Variants in ATG2B observed in about 807,000 individuals in gnomAD.
The protein encoded by ATG2B is autophagy related 2B.
In ATG2B, 121 loss-of-function variants were observed where a neutral mutation model predicts 241.3. The observed-to-expected ratio is 0.50, with a 90% CI of 0.43 to 0.58. The LOEUF (loss-of-function observed/expected upper bound fraction) is 0.58, where lower values mean the gene tolerates loss of function less well. Among genes scored for constraint, ATG2B ranks in the 20% least tolerant of loss-of-function variants. The probability of loss-of-function intolerance (pLI) is 0.00; values close to 1 mark genes in which losing one functional copy is unlikely to be tolerated. For missense variants in ATG2B, 2,306 were observed against 2,491.6 expected (o/e 0.93, Z 1.59); for synonymous variants, 858 against 876.6 (o/e 0.98, Z 0.37).
At chr14:96,308,284 T>TAGATATATATATA (rs1566720015) in intron 29 of ATG2B, among the ~76,000 whole-genome samples, 1 of 43,016 alleles carries the variant, frequency 2.3e-5, no homozygotes, top group Non-Finnish European at 4.1e-5. Flanking sequence ...ATATATATAT[T>TAGATATATATATA]TTTTTTTTTT....
Position 96,333,819 on chromosome 14 carries a change from TGCATG to T in ATG2B, c.1071_1075del (p.Met358AlafsTer33). On this transcript the variant is annotated frameshift_variant, in exon 8 of 42. Coordinates refer to ENST00000359933, the MANE Select transcript of ATG2B (RefSeq NM_018036.7). LOFTEE classifies it high-confidence loss of function. ...CTGAATTCGATACTCGTCTTCCTGC[TGCATG>T]GGTCGATTTTTCCTATCTTTATTAG... 1 of 1,613,974 alleles carries T rather than the reference TGCATG, an allele frequency of 6.2e-7. No individual in the cohort carries two copies. Among genetic ancestry groups the T allele is most frequent in the Non-Finnish European group, 8.5e-7 (1 of 1,179,892 alleles).
intron 36 of ATG2B, 47 bp from the exon 37 acceptor site, chr14:96,292,145 T>C (rs1886503897): frequency 2.6e-6 from 3 of 1,155,888 alleles, no homozygotes; most frequent in Non-Finnish European, 3.8e-6. Context: ...CAATTACTAA[T>C]AGGTGAAATT....
Position 96,328,337 on chromosome 14 carries a change from GAATA to G in ATG2B, c.2163+6_2163+9del. The G allele has an allele frequency of 6.3e-7, 1 of 1,577,642 alleles. No homozygotes were observed. The highest frequency in any genetic ancestry group is 8.6e-7 in the Non-Finnish European group (1 of 1,159,152). On this transcript the variant is annotated splice_donor_region_variant and intron_variant, in intron 14 of 41. Coordinates refer to ENST00000359933, the MANE Select transcript of ATG2B (RefSeq NM_018036.7). The stretch of plus-strand genomic sequence containing the variant: ...ATTATGATTAGTATTTGCAGCTTTT[GAATA>G]CTTACCAGACTAATATGTTTATTAT...
intron 18 of ATG2B, among the ~76,000 whole-genome samples, chr14:96,320,869 A>C (rs1244147833): frequency 3.3e-5 from 5 of 152,216 alleles, no homozygotes; most frequent in African/African-American, 9.6e-5. Flanking sequence ...GAGATCAGTC[A>C]TTTTGAAACT....
At chr14:96,332,203 G>T in intron 10 of ATG2B, 102 bp downstream of exon 10, 1 of 871,052 alleles carries the variant, frequency 1.1e-6, no homozygotes. Context: ...CTTTGTAAAT[G>T]GCCAAGACCA....
chr14:96,357,385 T>C (rs976901835), intron 1 of ATG2B, among the ~76,000 whole-genome samples: 4 of 152,248 alleles, frequency 2.6e-5, no homozygotes, highest in African/African-American at 4.8e-5. Flanking sequence ...TTATTCACTA[T>C]TGATACTCTG....
chr14:96,283,081 G>A lies in ATG2B; in HGVS notation c.*2674C>T, dbSNP rs1886241409. 6.6e-6 allele frequency: 1 copy of A among 152,240 alleles called. No individual in the cohort carries two copies. The highest frequency in any genetic ancestry group is 2.4e-5 in the African/African-American group (1 of 41,446). The allele number at this position is 152,240 out of a possible 1,614,324, so 9.4% of individuals were successfully genotyped here. A position where few individuals can be genotyped will look rare whatever the true frequency, so the allele number is the denominator to read the frequency against. On this transcript the variant is annotated 3_prime_UTR_variant, in exon 42 of 42. Transcript: ENST00000359933. ...GGGCAGAAAGGAAGAGAAAACGGGG[G>A]GTTCCGAGTTAGCTCCATTCAAGAG...
In ATG2B at chr14:96,290,116, T is replaced by G; in HGVS notation, c.5857-311A>C. ...ACTTACTAGAATGATCTTTAATACT[T>G]CTGTTTAATCTACAACGCCTTCTTC... On this transcript the variant is annotated intron_variant, in intron 40 of 41. Coordinates refer to ENST00000359933, the MANE Select transcript of ATG2B (RefSeq NM_018036.7). The surrounding 1 kb of genome is among the most constrained non-coding windows in gnomAD (Gnocchi z 4.4). The G allele has an allele frequency of 8.1e-7, 1 of 1,236,912 alleles. No homozygotes were observed. The highest frequency in any genetic ancestry group is 1.0e-6 in the Non-Finnish European group (1 of 981,710). 76.6% of individuals were successfully genotyped at this position (1,236,912 alleles called of 1,614,324 possible).
chr14:96,349,621 G>A (rs1888261763), intron 1 of ATG2B, among the ~76,000 whole-genome samples: 1 of 152,168 alleles, frequency 6.6e-6, no homozygotes, highest in African/African-American at 2.4e-5. Flanking sequence ...ATCATGAGGG[G>A]TAAAAGAAAG....
At chr14:96,321,885 T>C (rs1383116794) in intron 18 of ATG2B, among the ~76,000 whole-genome samples, 4 of 152,084 alleles carry the variant, frequency 2.6e-5, no homozygotes, top group African/African-American at 9.7e-5. Context: ...TCAGCCAACC[T>C]CAGGGCTGAG....
chr14:96,288,414 G>C (rs867632168), intron 41 of ATG2B, among the ~76,000 whole-genome samples: 2 of 152,144 alleles, frequency 1.3e-5, no homozygotes, highest in Non-Finnish European at 2.9e-5. Context: ...ACTAACCCCA[G>C]TGTCTGTTTC....
chr14:96,305,879 A>G, intron 30 of ATG2B, 64 bp from the exon 31 acceptor site: 1 of 1,276,184 alleles, frequency 7.8e-7, no homozygotes, highest in Non-Finnish European at 1.1e-6. Context: ...ATTATGCTGC[A>G]CATCTCAAGG....
At chr14:96,286,877 C>A (rs147659096) in intron 41 of ATG2B, among the ~76,000 whole-genome samples, 19 of 152,260 alleles carry the variant, frequency 1.2e-4, no homozygotes, top group African/African-American at 4.1e-4. Flanking sequence ...AACCCAGAAT[C>A]TAGCCATCAT....
At chr14:96,304,644 G>T in intron 31 of ATG2B, 41 bp from the exon 32 acceptor site, 1 of 1,431,704 alleles carries the variant, frequency 7.0e-7, no homozygotes, top group South Asian at 1.2e-5. Flanking sequence ...TTTGTTAAAG[G>T]AATATTCAAA....
rs1312927644 is a variant in ATG2B at position 96,304,568 on chromosome 14, C to T, written c.4769G>A (p.Arg1590Lys). The T allele has an allele frequency of 1.9e-6, 3 of 1,609,082 alleles. No homozygotes were observed. Among genetic ancestry groups the T allele is most frequent in the Admixed American group, 3.4e-5 (2 of 59,666 alleles). Residue 1590 changes from arginine to lysine, a missense_variant, in exon 32 of 42, where the codon AGA becomes AAA. By Grantham distance (26) the Arg-to-Lys change is conservative. This residue lies in a region of ATG2B where 1,927 missense variants were observed against 2,011.2 expected (regional missense o/e 0.96). Transcript: ENST00000359933. ...PHSSPSHTPT[R>K]HGRNTVCGGK... Reference sequence around the variant, plus strand: ...CCCACATACTGTATTACGTCCATGTCTCGTGGGTGTGTGAGAAGGCGAACT... The same window carrying T: ...CCCACATACTGTATTACGTCCATGTTTCGTGGGTGTGTGAGAAGGCGAACT...
Position 96,328,388 on chromosome 14 carries a change from C to A in ATG2B, c.2122G>T (p.Ala708Ser), listed in dbSNP as rs772160057. The A allele has an allele frequency of 6.2e-6, 10 of 1,612,778 alleles. No individual in the cohort carries two copies. Among genetic ancestry groups the A allele is most frequent in the African/African-American group, 1.3e-5 (1 of 74,798 alleles). Residue 708 changes from alanine to serine, a missense_variant, in exon 14 of 42, where the codon GCA becomes TCA. By Grantham distance (99) the Ala-to-Ser change is moderately conservative. Coordinates refer to ENST00000359933, the MANE Select transcript of ATG2B (RefSeq NM_018036.7). Reference protein sequence around the residue: ...PQKLATVEMMASHMYTSYNKH... With the variant: ...PQKLATVEMMSSHMYTSYNKH... ...TTATATGAAGTATACATGTGGGATGCCATCATCTCTACTGTGGCAAGTTTC... is the reference window on the plus strand; with the variant it reads ...TTATATGAAGTATACATGTGGGATGACATCATCTCTACTGTGGCAAGTTTC...
intron 29 of ATG2B, among the ~76,000 whole-genome samples, chr14:96,308,460 CT>C (rs573746586): frequency 0.24 from 28,011 of 115,588 alleles, 3,588 homozygotes; most frequent in Non-Finnish European, 0.28. Flanking sequence ...CCACATCTAG[CT>C]TTTTTTTTTT....
chr14:96,288,837 A>C (rs1350541317), intron 41 of ATG2B, among the ~76,000 whole-genome samples: 1 of 150,066 alleles, frequency 6.7e-6, no homozygotes, highest in Non-Finnish European at 1.5e-5. Context: ...GTTCACTGGC[A>C]CAACCGTGTC....
chr14:96,317,878 A>G (rs368466996), intron 18 of ATG2B, 23 bp from the exon 19 acceptor site: 9 of 1,548,680 alleles, frequency 5.8e-6, no homozygotes, highest in African/African-American at 4.1e-5. Context: ...AAGTTGAAAA[A>G]TAAGTACTTA....
Sources: allele counts gnomAD v4.1 joint callset (sites outside exome capture counted in the v4.1 genomes callset), GRCh38; gene constraint gnomAD v4.1.1; regional missense constraint gnomAD v4.1.1; non-coding constraint Gnocchi (gnomAD v3.1); transcripts MANE v1.5; gene names NCBI Gene and HGNC (gene_info 2026-07-23, HGNC 2026-07-21).